NRG3: variants seen among roughly 807,000 people sequenced by gnomAD.
The protein encoded by NRG3 is pro-neuregulin-3, membrane-bound isoform.
Under a neutral mutation model 66.9 loss-of-function variants are expected in NRG3, and 31 were observed. That is an observed-to-expected ratio of 0.46 (90% CI 0.35 to 0.63). The LOEUF is 0.63. NRG3 is among the 20% of genes least tolerant of loss of function. The pLI, the probability that NRG3 is intolerant of heterozygous loss-of-function variation, is 0.00. For missense variants in NRG3, 910 were observed against 878.9 expected (o/e 1.04, Z -0.45); for synonymous variants, 393 against 359.4 (o/e 1.09, Z -1.06).
chr10:82,717,652 C>G (rs1032962370), intron 2 of NRG3, among the ~76,000 whole-genome samples: 5 of 151,996 alleles, frequency 3.3e-5, no homozygotes, highest in African/African-American at 1.2e-4. Context: ...ATCCGCCTGC[C>G]TCGACCTCCC....
chr10:82,430,016 G>A (rs1446646297), intron 2 of NRG3, among the ~76,000 whole-genome samples: 1 of 152,106 alleles, frequency 6.6e-6, no homozygotes, highest in East Asian at 1.9e-4. Flanking sequence ...AATCTATTTA[G>A]TACTTTTTTA....
intron 1 of NRG3, among the ~76,000 whole-genome samples, chr10:82,122,489 A>G (rs1339090183): frequency 6.6e-6 from 1 of 152,146 alleles, no homozygotes; most frequent in Non-Finnish European, 1.5e-5. Context: ...CAGTCTGATG[A>G]TAGCTCTGTT....
At chr10:82,140,627 G>A (rs1181714062) in intron 1 of NRG3, among the ~76,000 whole-genome samples, 1 of 152,084 alleles carries the variant, frequency 6.6e-6, no homozygotes, top group Non-Finnish European at 1.5e-5. Context: ...AGGTACTTAG[G>A]AGGGTAAGGC....
At chr10:82,341,956 C>T (rs2082709668) in intron 1 of NRG3, among the ~76,000 whole-genome samples, 1 of 151,906 alleles carries the variant, frequency 6.6e-6, no homozygotes, top group Non-Finnish European at 1.5e-5. Context: ...TATACCAGCA[C>T]CATGGTGTTT....
rs144014952 is a variant in NRG3 at position 82,852,192 on chromosome 10, G to A, written c.1028-13219G>A. Among the ~76,000 whole-genome samples, 547 of 152,184 alleles carry A rather than the reference G, an allele frequency of 3.6e-3. 2 individuals carry two copies. Among genetic ancestry groups the A allele is most frequent in the African/African-American group, 0.012 (486 of 41,528 alleles). The stretch of plus-strand genomic sequence containing the variant: ...AAGTCTGCGTGCTTTAACAAAGTAA[G>A]ATACTTCGTATCTTAAGAAAATTAG... On this transcript the variant is annotated intron_variant, in intron 3 of 8. Transcript: ENST00000372141.
intron 2 of NRG3, among the ~76,000 whole-genome samples, chr10:82,602,153 G>T (rs574395362): frequency 6.6e-6 from 1 of 151,708 alleles, no homozygotes; most frequent in Admixed American, 6.6e-5. Flanking sequence ...TAGGCATTTT[G>T]TTATTAACCA....
chr10:82,874,408 G>A (rs1472831600), intron 4 of NRG3, among the ~76,000 whole-genome samples: 2 of 148,440 alleles, frequency 1.3e-5, no homozygotes, highest in African/African-American at 5.0e-5. Flanking sequence ...TTTTTCCTAA[G>A]CTGAAGTCTC....
chr10:81,918,445 G>T (rs937808451), intron 1 of NRG3, among the ~76,000 whole-genome samples: 2 of 152,102 alleles, frequency 1.3e-5, no homozygotes, highest in African/African-American at 4.8e-5. Context: ...CTCAGATCAG[G>T]TACTCCATCA....
intron 2 of NRG3, among the ~76,000 whole-genome samples, chr10:82,495,382 T>A (rs1241140134): frequency 6.6e-6 from 1 of 152,176 alleles, no homozygotes; most frequent in Admixed American, 6.5e-5. Context: ...TTGATTTTAA[T>A]CTCAGATCTT....
At chr10:81,882,596 A>C (rs977883032) in intron 1 of NRG3, among the ~76,000 whole-genome samples, 3 of 152,174 alleles carry the variant, frequency 2.0e-5, no homozygotes, top group Admixed American at 6.5e-5. Context: ...CTTCTATGCC[A>C]ATCCCGAAAG....
chr10:82,455,082 T>A (rs2091209697), intron 2 of NRG3, among the ~76,000 whole-genome samples: 1 of 152,174 alleles, frequency 6.6e-6, no homozygotes, highest in African/African-American at 2.4e-5. Context: ...AAGCACTCTT[T>A]ACCTCACACG....
intron 2 of NRG3, among the ~76,000 whole-genome samples, chr10:82,700,465 T>G (rs1293422282): frequency 1.3e-5 from 2 of 152,158 alleles, no homozygotes; most frequent in Non-Finnish European, 2.9e-5. Context: ...ATTTTAAGAA[T>G]AAAGAATTTC....
intron 1 of NRG3, among the ~76,000 whole-genome samples, chr10:82,332,507 T>C (rs537096042): frequency 1.3e-5 from 2 of 152,270 alleles, no homozygotes; most frequent in East Asian, 3.9e-4. Context: ...AGAAATCCTT[T>C]TGCAACACCC....
At chr10:82,885,627 A>G (rs1428340542) in intron 4 of NRG3, among the ~76,000 whole-genome samples, 1 of 152,212 alleles carries the variant, frequency 6.6e-6, no homozygotes, top group African/African-American at 2.4e-5. Flanking sequence ...TACAAAATAT[A>G]CATTGTAAGC....
At chr10:82,978,107 G>A (rs1156846808) in intron 7 of NRG3, among the ~76,000 whole-genome samples, 2 of 152,150 alleles carry the variant, frequency 1.3e-5, no homozygotes, top group Non-Finnish European at 2.9e-5. Flanking sequence ...CATGAGCAAA[G>A]TTCTCCTCAC....
chr10:81,891,555 T>C (rs916066645), intron 1 of NRG3, among the ~76,000 whole-genome samples: 3 of 152,194 alleles, frequency 2.0e-5, no homozygotes, highest in Non-Finnish European at 4.4e-5. Context: ...CCATGGAGAC[T>C]GTGGAGAGGC....
At chr10:82,388,136 C>A (rs189166054) in intron 2 of NRG3, among the ~76,000 whole-genome samples, 23 of 152,154 alleles carry the variant, frequency 1.5e-4, no homozygotes, top group Non-Finnish European at 2.5e-4. Context: ...CATCACTTCA[C>A]TGAAACAACA....
rs1049340337 is a variant in NRG3 at position 82,708,535 on chromosome 10, C to T, written c.954-30042C>T. Among the ~76,000 whole-genome samples the T allele has an allele frequency of 9.5e-4, 144 of 152,296 alleles. 1 individual carries two copies. Among genetic ancestry groups the T allele is most frequent in the African/African-American group, 3.4e-3 (141 of 41,556 alleles). ...GTGTCCATGTGTATTCAATGTTTCA[C>T]TCCCGGTACCACCTTTCGATTTACA... On this transcript the variant is annotated intron_variant, in intron 2 of 8. Transcript: ENST00000372141.
chr10:82,949,925 A>G (rs888098336), intron 4 of NRG3, among the ~76,000 whole-genome samples: 1 of 152,154 alleles, frequency 6.6e-6, no homozygotes, highest in African/African-American at 2.4e-5. Context: ...CATAACTAGT[A>G]TTAACAAAGA....
Sources: allele counts gnomAD v4.1 joint callset (sites outside exome capture counted in the v4.1 genomes callset), GRCh38; gene constraint gnomAD v4.1.1; transcripts MANE v1.5; gene names NCBI Gene and HGNC (gene_info 2026-07-23, HGNC 2026-07-21).